Variants in HSD17B12 observed in about 807,000 individuals in gnomAD.
HSD17B12 encodes very-long-chain 3-oxoacyl-CoA reductase.
A neutral mutation model predicts 39.3 loss-of-function variants in HSD17B12; 32 were observed. The ratio of observed to expected loss-of-function variants is 0.81; its 90% CI spans 0.61 to 1.09. The LOEUF is 1.09. Among genes scored for constraint, HSD17B12 ranks in the 50% least tolerant of loss-of-function variants. The pLI, the probability that HSD17B12 is intolerant of heterozygous loss-of-function variation, is 0.00. For missense variants in HSD17B12, 342 were observed against 382.9 expected (o/e 0.89, Z 0.89); for synonymous variants, 150 against 146.7 (o/e 1.02, Z -0.16).
chr11:43,719,708 A>G (rs918443520), intron 1 of HSD17B12, among the ~76,000 whole-genome samples: 6 of 151,712 alleles, frequency 4.0e-5, no homozygotes, highest in Non-Finnish European at 7.4e-5. Context: ...TTGTAAGACT[A>G]TTAGCTCTAC....
At chr11:43,661,495 A>C in the HSD17B12 span, among the ~76,000 whole-genome samples, 1 of 152,230 alleles carries the variant, frequency 6.6e-6, no homozygotes, top group Admixed American at 6.5e-5. Flanking sequence ...CAGTAAGTGC[A>C]TGTCTAATAA....
At chr11:43,657,439 T>C in the HSD17B12 span, among the ~76,000 whole-genome samples, 1 of 152,242 alleles carries the variant, frequency 6.6e-6, no homozygotes, top group Non-Finnish European at 1.5e-5. Flanking sequence ...TTTGATCCTG[T>C]CACTATGATG....
chr11:43,613,240 A>G, the HSD17B12 span, among the ~76,000 whole-genome samples: 1 of 152,122 alleles, frequency 6.6e-6, no homozygotes, highest in Non-Finnish European at 1.5e-5. Flanking sequence ...AAAAATAGAA[A>G]AATTAGCCAG....
intron 1 of HSD17B12, among the ~76,000 whole-genome samples, chr11:43,724,729 A>G (rs1053616632): frequency 6.6e-5 from 10 of 152,130 alleles, no homozygotes; most frequent in African/African-American, 9.7e-5. Context: ...CCCTGCTAGT[A>G]CCATCACCTT....
intron 4 of HSD17B12, among the ~76,000 whole-genome samples, chr11:43,801,973 G>A (rs1246648928): frequency 7.0e-6 from 1 of 141,994 alleles, no homozygotes; most frequent in Admixed American, 6.9e-5. Flanking sequence ...AACAGATGAA[G>A]TTAATTTTTT....
At chr11:43,851,398 G>T (rs1590350804) in intron 9 of HSD17B12, among the ~76,000 whole-genome samples, 1 of 152,280 alleles carries the variant, frequency 6.6e-6, no homozygotes, top group South Asian at 2.1e-4. Context: ...ATTATCCCTT[G>T]TTGGGTTTTT....
chr11:43,702,928 G>C (rs2134813562), intron 1 of HSD17B12, among the ~76,000 whole-genome samples: 1 of 152,218 alleles, frequency 6.6e-6, no homozygotes, highest in South Asian at 2.1e-4. Flanking sequence ...GGACACCTCT[G>C]TTCTAATGTA....
the HSD17B12 span, among the ~76,000 whole-genome samples, chr11:43,665,438 C>T: frequency 1.3e-5 from 2 of 152,056 alleles, no homozygotes; most frequent in African/African-American, 2.4e-5. Context: ...ATACTGATCT[C>T]GAACTCCTGA....
intron 1 of HSD17B12, among the ~76,000 whole-genome samples, chr11:43,711,282 G>C (rs554921864): frequency 1.3e-5 from 2 of 152,056 alleles, no homozygotes; most frequent in Admixed American, 1.3e-4. Flanking sequence ...CTGGATTAGT[G>C]TATCATTTTA....
Position 43,719,625 on chromosome 11 carries a change from A to AT in HSD17B12, c.161-31286_161-31285insT, listed in dbSNP as rs201952196. ...AAAGGACAAGGACTTCAAAAAAAAAAAAATATATATATATATATACCTTGA... is the reference window on the plus strand; with the variant it reads ...AAAGGACAAGGACTTCAAAAAAAAAATAAATATATATATATATATACCTTGA... On this transcript the variant is annotated intron_variant, in intron 1 of 10. Transcript: ENST00000278353. Among the ~76,000 whole-genome samples, 1,105 of 131,164 alleles carry AT rather than the reference A, an allele frequency of 8.4e-3. 11 individuals are homozygous for AT. Among genetic ancestry groups the AT allele is most frequent in the African/African-American group, 0.022 (791 of 36,204 alleles). The allele number at this position is 131,164 out of a possible 152,430, so 86.0% of individuals were successfully genotyped here. A position where few individuals can be genotyped will look rare whatever the true frequency, so the allele number is the denominator to read the frequency against.
the HSD17B12 span, among the ~76,000 whole-genome samples, chr11:43,637,461 T>G: frequency 6.6e-6 from 1 of 152,126 alleles, no homozygotes; most frequent in African/African-American, 2.4e-5. Flanking sequence ...CCTCAGGTGA[T>G]CCGCAGGCCT....
chr11:43,825,510 T>C (rs1477014207), intron 6 of HSD17B12, among the ~76,000 whole-genome samples: 1 of 152,216 alleles, frequency 6.6e-6, no homozygotes, highest in Non-Finnish European at 1.5e-5. Context: ...GGAATTATGT[T>C]AAGAATGCAT....
chr11:43,787,915 A>G (rs767982474), intron 3 of HSD17B12, among the ~76,000 whole-genome samples: 16 of 152,284 alleles, frequency 1.1e-4, no homozygotes, highest in East Asian at 7.7e-4. Context: ...CTTGAAAAGA[A>G]TAATTTTTTC....
the HSD17B12 span, among the ~76,000 whole-genome samples, chr11:43,652,327 C>T: frequency 1.3e-5 from 2 of 152,040 alleles, no homozygotes; most frequent in Non-Finnish European, 2.9e-5. Flanking sequence ...GGAACTTTTT[C>T]CTCTGGTCTC....
At chr11:43,573,658 A>T in the HSD17B12 span, among the ~76,000 whole-genome samples, 1 of 152,186 alleles carries the variant, frequency 6.6e-6, no homozygotes, top group East Asian at 1.9e-4. Flanking sequence ...CAGACACAAT[A>T]ACACTCAGCC....
At chr11:43,731,983 C>T (rs539179306) in intron 1 of HSD17B12, among the ~76,000 whole-genome samples, 211 of 152,234 alleles carry the variant, frequency 1.4e-3, no homozygotes, top group African/African-American at 4.9e-3. Flanking sequence ...CAGAACCACT[C>T]TATATGGTTT....
the HSD17B12 span, among the ~76,000 whole-genome samples, chr11:43,671,220 A>G: frequency 6.6e-6 from 1 of 152,130 alleles, no homozygotes; most frequent in Non-Finnish European, 1.5e-5. Flanking sequence ...GCTGGAGTGC[A>G]GTGGCGCCAT....
rs1051913650 is a variant in HSD17B12 at position 43,737,075 on chromosome 11, A to T, written c.161-13836A>T. On this transcript the variant is annotated intron_variant, in intron 1 of 10. Transcript: ENST00000278353. Reference sequence around the variant, plus strand: ...TTGCGGCAGTATTAATCTTTAATCAATCGAGTGTTTTCTGCATTCAGGTGT... The same window carrying T: ...TTGCGGCAGTATTAATCTTTAATCATTCGAGTGTTTTCTGCATTCAGGTGT... 4.6e-5 allele frequency among the ~76,000 whole-genome samples: 7 copies of T among 152,212 alleles called. 1 individual carries two copies. The highest frequency in any genetic ancestry group is 1.0e-4 in the Non-Finnish European group (7 of 68,046).
chr11:43,796,672 T>G (rs535137024), intron 3 of HSD17B12, among the ~76,000 whole-genome samples: 4 of 152,342 alleles, frequency 2.6e-5, no homozygotes, highest in Non-Finnish European at 4.4e-5. Context: ...TGAATTTGGT[T>G]CAGGAGTTGT....
Sources: gnomAD v4.1 joint callset for allele counts (sites outside exome capture counted in the v4.1 genomes callset) on GRCh38, gnomAD v4.1.1 for gene constraint, MANE v1.5 for transcripts, NCBI Gene and HGNC (gene_info 2026-07-23, HGNC 2026-07-21) for gene names.